CYB5R4: variants seen among roughly 807,000 people sequenced by gnomAD.
CYB5R4 encodes N-terminal cytochrome b5 and cytochrome b5 oxidoreductase domain-containing protein.
CYB5R4 carries 55 observed loss-of-function variants against 70.2 expected under a neutral mutation model. That is an observed-to-expected ratio of 0.78 (90% CI 0.63 to 0.98). CYB5R4 has a LOEUF of 0.98. Among genes scored for constraint, CYB5R4 ranks in the 50% least tolerant of loss-of-function variants. The pLI, the probability that CYB5R4 is intolerant of heterozygous loss-of-function variation, is 0.00. For missense variants in CYB5R4, 562 were observed against 612.6 expected, an observed-to-expected ratio of 0.92 and a Z score of 0.87; for synonymous variants, 197 against 199.5, an observed-to-expected ratio of 0.99 and a Z score of 0.11.
chr6:83,922,764 G>T (rs530204013), intron 9 of CYB5R4, among the ~76,000 whole-genome samples: 2 of 152,020 alleles, frequency 1.3e-5, no homozygotes, highest in East Asian at 1.9e-4. Flanking sequence ...CTGGTTTTGG[G>T]TTTTTTCCTA....
chr6:83,868,499 G>A (rs1295564103), intron 2 of CYB5R4, among the ~76,000 whole-genome samples: 1 of 152,144 alleles, frequency 6.6e-6, no homozygotes, highest in Non-Finnish European at 1.5e-5. Flanking sequence ...TCTAAGACGT[G>A]TATCAAGTTC....
chr6:83,898,339 C>G (rs1434950434), intron 3 of CYB5R4, among the ~76,000 whole-genome samples: 10 of 149,184 alleles, frequency 6.7e-5, no homozygotes, highest in East Asian at 2.0e-4. Flanking sequence ...GTTTTGGTAC[C>G]AGTACCATGC....
At chr6:83,924,788 C>G (rs1207034157) in intron 10 of CYB5R4, among the ~76,000 whole-genome samples, 196 bp downstream of exon 10, 1 of 152,062 alleles carries the variant, frequency 6.6e-6, no homozygotes, top group African/African-American at 2.4e-5. Context: ...ACTCTACTAT[C>G]TAATGTTTAG....
chr6:83,870,066 A>G (rs1306006321), intron 2 of CYB5R4, among the ~76,000 whole-genome samples: 1 of 152,204 alleles, frequency 6.6e-6, no homozygotes, highest in East Asian at 1.9e-4. Flanking sequence ...TCAACAATAT[A>G]TATTAAAGAA....
chr6:83,886,037 A>G (rs559604762), intron 2 of CYB5R4, among the ~76,000 whole-genome samples: 2 of 152,330 alleles, frequency 1.3e-5, no homozygotes, highest in South Asian at 2.1e-4. Context: ...ATTCATAAAG[A>G]CAAGGAATTT....
intron 14 of CYB5R4, among the ~76,000 whole-genome samples, chr6:83,941,681 G>A (rs1290004467): frequency 1.3e-5 from 2 of 151,976 alleles, no homozygotes; most frequent in South Asian, 4.2e-4. Flanking sequence ...TCAAAATTAA[G>A]GATGACACCT....
chr6:83,938,311 T>C (rs887767208), intron 12 of CYB5R4, among the ~76,000 whole-genome samples: 1 of 151,810 alleles, frequency 6.6e-6, no homozygotes, highest in Non-Finnish European at 1.5e-5. Flanking sequence ...GGGTGGAGAG[T>C]TGTCCTAGAG....
chr6:83,925,972 A>T (rs1362546655), intron 10 of CYB5R4, among the ~76,000 whole-genome samples: 1 of 152,022 alleles, frequency 6.6e-6, no homozygotes, highest in Non-Finnish European at 1.5e-5. Context: ...TTAGCATCCT[A>T]TTCTTATTAG....
At chr6:83,925,811 T>C (rs894342481) in intron 10 of CYB5R4, among the ~76,000 whole-genome samples, 4 of 152,220 alleles carry the variant, frequency 2.6e-5, no homozygotes, top group Admixed American at 2.6e-4. Flanking sequence ...CTTCTAATTA[T>C]CTTATCTTTT....
chr6:83,861,258 AC>A (rs1229900566), intron 1 of CYB5R4, among the ~76,000 whole-genome samples: 1 of 152,212 alleles, frequency 6.6e-6, no homozygotes, highest in Non-Finnish European at 1.5e-5. Context: ...CAAAAAGAGA[AC>A]AAAATAAGAT....
chr6:83,962,900 C>G lies in CYB5R4; in HGVS notation c.*3022C>G, dbSNP rs773794964. On this transcript the variant is annotated 3_prime_UTR_variant, in exon 16 of 16. Transcript: ENST00000369681. ...GATGAATCTCATGCTTTCAGTCTCT[C>G]TGAATTCCCTTGTGGGCTTCTTCAG... is the stretch of plus-strand genomic sequence containing the variant. The G allele has an allele frequency of 3.9e-5, 6 of 152,210 alleles. No individual in the cohort carries two copies. Among genetic ancestry groups the G allele is most frequent in the Non-Finnish European group, 5.9e-5 (4 of 68,042 alleles). The allele number at this position is 152,210 out of a possible 1,614,324, so 9.4% of individuals were successfully genotyped here.
chr6:83,910,041 A>C, intron 4 of CYB5R4: 2 of 1,612,316 alleles, frequency 1.2e-6, no homozygotes, highest in African/African-American at 1.3e-5. Flanking sequence ...GTACGCATGC[A>C]TTGGACAGCT....
intron 14 of CYB5R4, among the ~76,000 whole-genome samples, chr6:83,953,024 C>A (rs954131897): frequency 1.3e-5 from 2 of 152,058 alleles, no homozygotes; most frequent in Non-Finnish European, 2.9e-5. Flanking sequence ...TAATCTGGAG[C>A]CTTATAGCAC....
intron 4 of CYB5R4, among the ~76,000 whole-genome samples, chr6:83,912,902 A>C (rs571410325): frequency 6.6e-6 from 1 of 152,170 alleles, no homozygotes; most frequent in African/African-American, 2.4e-5. Context: ...GTGGGGGGGA[A>C]CTACTAATTT....
chr6:83,958,501 G>A (rs867960917), intron 15 of CYB5R4, among the ~76,000 whole-genome samples: 1 of 152,108 alleles, frequency 6.6e-6, no homozygotes, highest in African/African-American at 2.4e-5. Flanking sequence ...ATGGAGAAGG[G>A]GATAGTACAG....
At position 83,864,261 on chromosome 6, in the gene CYB5R4, A is replaced by G; in HGVS notation, c.162A>G (p.Leu54=). Reference sequence around the variant, plus strand: ...ATCTAACGGGATTAAAAGGCAGGTTAATTGAAGTAACTGAAGAAGAACTTA... The same window carrying G: ...ATCTAACGGGATTAAAAGGCAGGTTGATTGAAGTAACTGAAGAAGAACTTA... ...GKDLTGLKGR[L]IEVTEEELKK... Residue 54 remains leucine, a synonymous_variant, in exon 2 of 16, where the codon TTA becomes TTG. Coordinates refer to ENST00000369681, the MANE Select transcript of CYB5R4 (RefSeq NM_016230.4). The G allele has an allele frequency of 6.2e-7, 1 of 1,613,642 alleles. No individual in the cohort carries two copies. Among genetic ancestry groups the G allele is most frequent in the Non-Finnish European group, 8.5e-7 (1 of 1,179,680 alleles).
chr6:83,931,833 G>A (rs1002801206), intron 10 of CYB5R4, among the ~76,000 whole-genome samples: 6 of 150,522 alleles, frequency 4.0e-5, no homozygotes, highest in African/African-American at 1.5e-4. Context: ...TAAGTTCTAG[G>A]GTACATGTGT....
chr6:83,865,882 A>T (rs2099456646), intron 2 of CYB5R4, among the ~76,000 whole-genome samples: 1 of 152,220 alleles, frequency 6.6e-6, no homozygotes, highest in Non-Finnish European at 1.5e-5. Context: ...TCAGAGACCT[A>T]CAAATGTGAA....
At chr6:83,906,198 C>T (rs1335740801) in intron 3 of CYB5R4, among the ~76,000 whole-genome samples, 4 of 152,146 alleles carry the variant, frequency 2.6e-5, no homozygotes, top group Non-Finnish European at 4.4e-5. Context: ...GGGGAATGAA[C>T]GTACCAGCTG....
Sources: gnomAD v4.1 joint callset for allele counts (sites outside exome capture counted in the v4.1 genomes callset) on GRCh38, gnomAD v4.1.1 for gene constraint, MANE v1.5 for transcripts, NCBI Gene and HGNC (gene_info 2026-07-23, HGNC 2026-07-21) for gene names.